TYW3: variants seen among roughly 807,000 people sequenced by gnomAD.
The protein encoded by TYW3 is tRNA wybutosine-synthesizing protein 3 homolog.
TYW3 carries 26 observed loss-of-function variants against 23.1 expected under a neutral mutation model. The observed-to-expected ratio is 1.13, with a 90% CI of 0.83 to 1.56. The LOEUF (loss-of-function observed/expected upper bound fraction) is 1.56. Among genes scored for constraint, TYW3 ranks in the 40% most tolerant of loss-of-function variants. TYW3 has a pLI of 0.00. For missense variants in TYW3, 316 were observed against 311.9 expected (o/e 1.01, Z -0.10); for synonymous variants, 102 against 105.7 (o/e 0.97, Z 0.21).
intron 5 of TYW3, among the ~76,000 whole-genome samples, chr1:74,759,934 G>A (rs752379383): frequency 3.3e-5 from 5 of 152,144 alleles, no homozygotes; most frequent in East Asian, 1.9e-4. Context: ...ATAAGCCACC[G>A]CACCTGGCTG....
intron 5 of TYW3, among the ~76,000 whole-genome samples, chr1:74,754,643 G>A (rs1275821969): frequency 6.6e-6 from 1 of 151,652 alleles, no homozygotes; most frequent in Non-Finnish European, 1.5e-5. Flanking sequence ...AAAAAATCCT[G>A]AAAAACATTT....
At chr1:74,759,404 C>A (rs1277420502) in intron 5 of TYW3, among the ~76,000 whole-genome samples, 3 of 137,542 alleles carry the variant, frequency 2.2e-5, no homozygotes, top group African/African-American at 8.2e-5. Context: ...GAGATGAGGT[C>A]TTTCTATGTT....
chr1:74,745,606 C>G (rs1295024379), intron 3 of TYW3, among the ~76,000 whole-genome samples: 1 of 152,152 alleles, frequency 6.6e-6, no homozygotes, highest in African/African-American at 2.4e-5. Context: ...TCTCCAAATC[C>G]CCACTCGACC....
intron 5 of TYW3, among the ~76,000 whole-genome samples, chr1:74,753,694 T>C (rs1648863993): frequency 6.6e-6 from 1 of 152,252 alleles, no homozygotes; most frequent in African/African-American, 2.4e-5. Context: ...TGTTATGTTT[T>C]GGACTCTCAG....
rs1212804877 is a variant in TYW3, at chr1:74,748,751, C to A, written c.355C>A (p.His119Asn). ...TGTAACAAGTTTTATTTTCTTACAG[C>A]ATTCCATGGCAATAGATTCTGGTTT... ...CRQLQDAQIL[H>N]SMAIDSGFRN... Residue 119 changes from histidine to asparagine, a missense_variant and splice_region_variant, in exon 4 of 6, where the codon CAT (histidine) becomes AAT (asparagine). Transcript: ENST00000370867. 1 of 1,613,836 alleles carries A rather than the reference C, an allele frequency of 6.2e-7. No individual in the cohort carries two copies. Among genetic ancestry groups the A allele is most frequent in the East Asian group, 2.2e-5 (1 of 44,834 alleles).
intron 1 of TYW3, 87 bp from the exon 2 acceptor site, chr1:74,736,448 TTAATTTA>T: frequency 1.2e-6 from 1 of 837,114 alleles, no homozygotes; most frequent in Non-Finnish European, 1.7e-6. Context: ...CTTGGGATTA[TTAATTTA>T]AGAAAGCCTA....
At chr1:74,748,015 G>T (rs1648648045) in intron 3 of TYW3, among the ~76,000 whole-genome samples, 2 of 152,134 alleles carry the variant, frequency 1.3e-5, no homozygotes, top group South Asian at 4.1e-4. Flanking sequence ...CCATGGCACA[G>T]CTGGCATTTC....
chr1:74,759,985 C>G (rs991442085), intron 5 of TYW3, among the ~76,000 whole-genome samples: 1 of 152,148 alleles, frequency 6.6e-6, no homozygotes, highest in African/African-American at 2.4e-5. Context: ...TACTGATATC[C>G]TACCTTTGAC....
rs1417052839 is a variant in TYW3 at position 74,738,743 on chromosome 1, T to G, written c.309T>G (p.Phe103Leu). ...ATGCCACTTTGAAATTTGAACCATT[T>G]GTTCTTCATGTGCAGTGTCGACAAT... The part of the protein sequence containing the change: ...NGDATLKFEP[F>L]VLHVQCRQLQ... The change falls in exon 3 of 6, where the codon TTT (phenylalanine) becomes TTG (leucine). Residue 103 changes from phenylalanine (F) to leucine (L), a missense_variant. Physicochemically the swap from Phe to Leu is conservative, Grantham distance 22. Coordinates refer to ENST00000370867, the MANE Select transcript of TYW3 (RefSeq NM_138467.3). 1 of 1,611,576 alleles carries G rather than the reference T, an allele frequency of 6.2e-7. No homozygotes were observed. The highest frequency in any genetic ancestry group is 1.3e-5 in the African/African-American group (1 of 75,046).
At chr1:74,751,237 T>G (rs547889763) in intron 4 of TYW3, 1 of 152,270 alleles carries the variant, frequency 6.6e-6, no homozygotes, top group South Asian at 2.1e-4. Context: ...CTTGCCAGTG[T>G]GTGTGTATGT....
chr1:74,752,513 C>A, intron 5 of TYW3, 88 bp downstream of exon 5: 1 of 1,124,762 alleles, frequency 8.9e-7, no homozygotes, highest in Non-Finnish European at 1.3e-6. Context: ...GTTTATAATG[C>A]CAACTGCTTA....
intron 5 of TYW3, among the ~76,000 whole-genome samples, chr1:74,754,496 G>C (rs892778964): frequency 1.3e-5 from 2 of 152,112 alleles, no homozygotes; most frequent in Non-Finnish European, 2.9e-5. Flanking sequence ...ACCAAATGCA[G>C]TGAAAGAGTT....
At chr1:74,749,942 ACT>A (rs1343689363) in intron 4 of TYW3, among the ~76,000 whole-genome samples, 4 of 152,002 alleles carry the variant, frequency 2.6e-5, no homozygotes, top group Admixed American at 6.5e-5. Context: ...ACAGAGCAAG[ACT>A]CTGTCTCAAA....
rs1016842818 is a variant in TYW3 at position 74,763,346 on chromosome 1, G to C, written c.561-548G>C. On this transcript the variant is annotated intron_variant, in intron 5 of 5. Transcript: ENST00000370867. ...AGGGAAAATTTGAATGTAAATAAAG[G>C]CCAATCTAGATGACATAATGTTGTA... Among the ~76,000 whole-genome samples, 3 of 152,008 alleles carry C rather than the reference G, an allele frequency of 2.0e-5. No homozygotes were observed. In the South Asian group the frequency reaches 6.2e-4, roughly 32 times the overall value.
intron 5 of TYW3, among the ~76,000 whole-genome samples, chr1:74,757,571 G>A (rs1648996144): frequency 6.6e-6 from 1 of 152,172 alleles, no homozygotes; most frequent in Admixed American, 6.5e-5. Context: ...ATTGTATCTA[G>A]GAAATAACTA....
intron 5 of TYW3, among the ~76,000 whole-genome samples, chr1:74,759,770 G>A (rs1649075414): frequency 1.3e-5 from 2 of 152,104 alleles, no homozygotes; most frequent in Admixed American, 1.3e-4. Context: ...AGCTTCCCGA[G>A]TAGCTGTTAC....
At chr1:74,742,908 G>A (rs2100759862) in intron 3 of TYW3, among the ~76,000 whole-genome samples, 1 of 152,302 alleles carries the variant, frequency 6.6e-6, no homozygotes, top group South Asian at 2.1e-4. Flanking sequence ...TGAGACAGGA[G>A]ATTAACACTG....
At chr1:74,733,931 T>C (rs60292279) in intron 1 of TYW3, among the ~76,000 whole-genome samples, 31,011 of 152,054 alleles carry the variant, frequency 0.2, 4,417 homozygotes, top group East Asian at 0.71. Context: ...CTAGTAGTTT[T>C]ACGCAGAGAA....
At position 74,765,432 on chromosome 1, in the gene TYW3, T is replaced by C. The variant is rs1251490820; in HGVS notation, c.*1319T>C. On this transcript the variant is annotated 3_prime_UTR_variant, in exon 6 of 6. Coordinates refer to ENST00000370867, the MANE Select transcript of TYW3 (RefSeq NM_138467.3). ...TACCACTTGGGAGGGAACATTCCCC[T>C]AGATGACAATGTCAGTGGCACTCGA... is the stretch of plus-strand genomic sequence containing the variant. 6.6e-6 allele frequency: 1 copy of C among 152,124 alleles called. No individual in the cohort carries two copies. Among genetic ancestry groups the C allele is most frequent in the African/African-American group, 2.4e-5 (1 of 41,448 alleles). 9.4% of individuals were successfully genotyped at this position (152,124 alleles called of 1,614,324 possible). A position where few individuals can be genotyped will look rare whatever the true frequency, so the allele number is the denominator to read the frequency against.
Sources: allele counts gnomAD v4.1 joint callset (sites outside exome capture counted in the v4.1 genomes callset), GRCh38; gene constraint gnomAD v4.1.1; transcripts MANE v1.5; gene names NCBI Gene and HGNC (gene_info 2026-07-23, HGNC 2026-07-21).